Variants in SPATA17 observed in about 807,000 individuals in gnomAD.
SPATA17 encodes spermatogenesis associated 17, also known as spermatogenesis-associated protein 17.
Under a neutral mutation model 62.2 loss-of-function variants are expected in SPATA17, and 53 were observed. That is an observed-to-expected ratio of 0.85 (90% CI 0.68 to 1.07). The LOEUF (loss-of-function observed/expected upper bound fraction) is 1.07, where lower values mean the gene tolerates loss of function less well. SPATA17 is among the 50% of genes least tolerant of loss of function. SPATA17 has a pLI of 0.00. For synonymous variants in SPATA17, 146 were observed against 146.8 expected (o/e 0.99, Z 0.04); for missense variants, 466 against 425.5 (o/e 1.10, Z -0.84).
chr1:217,683,399 T>C (rs772384604), intron 5 of SPATA17, 38 bp downstream of exon 5: 1 of 1,321,510 alleles, frequency 7.6e-7, no homozygotes, highest in Admixed American at 1.8e-5. Context: ...GGGAAAACTT[T>C]GGAAAGATTA....
At chr1:217,679,751 G>A (rs1189870232) in intron 4 of SPATA17, among the ~76,000 whole-genome samples, 1 of 152,170 alleles carries the variant, frequency 6.6e-6, no homozygotes, top group East Asian at 1.9e-4. Flanking sequence ...TCTAGATATG[G>A]TTGGTGCTCT....
chr1:217,636,752 G>C (rs974731511), intron 1 of SPATA17, among the ~76,000 whole-genome samples: 1 of 152,244 alleles, frequency 6.6e-6, no homozygotes, highest in Non-Finnish European at 1.5e-5. Flanking sequence ...GTTGGATAAA[G>C]CATTTTGCTT....
Position 217,801,801 on chromosome 1 carries a change from AC to A in SPATA17, c.957del (p.Tyr319Ter). The A allele has an allele frequency of 3.1e-6, 5 of 1,611,664 alleles. No individual in the cohort carries two copies. The highest frequency in any genetic ancestry group is 4.2e-6 in the Non-Finnish European group (5 of 1,179,116). On this transcript the variant is annotated frameshift_variant, in exon 9 of 11. Transcript: ENST00000366933. LOFTEE classifies it high-confidence loss of function. ...TCAAGCAAGTATGGTCCTATTTCTT[AC>A]AAAGAACAATTCCGAAGTGAAAATC... ...HLSSKYGPIS[Y>X]KEQFRSENPK...
intron 5 of SPATA17, among the ~76,000 whole-genome samples, chr1:217,721,966 A>T (rs116014675): frequency 0.046 from 6,951 of 152,108 alleles, 238 homozygotes; most frequent in Middle Eastern, 0.11. Flanking sequence ...ATGCATTATG[A>T]TCCTTCTCCT....
At chr1:217,706,436 G>C (rs1250822654) in intron 5 of SPATA17, among the ~76,000 whole-genome samples, 1 of 152,176 alleles carries the variant, frequency 6.6e-6, no homozygotes, top group Non-Finnish European at 1.5e-5. Context: ...GAAGGGAAGT[G>C]ATGGGATTCT....
intron 3 of SPATA17, among the ~76,000 whole-genome samples, chr1:217,667,420 T>C (rs1019768985): frequency 6.6e-6 from 1 of 152,180 alleles, no homozygotes; most frequent in African/African-American, 2.4e-5. Flanking sequence ...TGATAATCCC[T>C]TTCATAATGA....
intron 6 of SPATA17, among the ~76,000 whole-genome samples, chr1:217,766,720 CT>C (rs71167423): frequency 0.26 from 34,179 of 131,176 alleles, 4,102 homozygotes; most frequent in African/African-American, 0.36. Context: ...ATATCGTTCT[CT>C]TTTTTTTTTT....
At chr1:217,804,370 G>T (rs901030053) in intron 9 of SPATA17, among the ~76,000 whole-genome samples, 1 of 152,138 alleles carries the variant, frequency 6.6e-6, no homozygotes, top group Non-Finnish European at 1.5e-5. Context: ...AATGAAAGTG[G>T]ATCCTTATCT....
At chr1:217,781,694 G>C (rs1403017408) in intron 7 of SPATA17, among the ~76,000 whole-genome samples, 1 of 152,044 alleles carries the variant, frequency 6.6e-6, no homozygotes, top group Non-Finnish European at 1.5e-5. Context: ...TATTAAGTGT[G>C]ACATTTGAAA....
chr1:217,773,650 A>G (rs1169084635), intron 6 of SPATA17, among the ~76,000 whole-genome samples: 2 of 152,208 alleles, frequency 1.3e-5, no homozygotes, highest in Non-Finnish European at 2.9e-5. Context: ...AGTACATGAC[A>G]AAGTCATTGA....
intron 9 of SPATA17, among the ~76,000 whole-genome samples, chr1:217,813,237 T>C (rs149233518): frequency 9.3e-4 from 141 of 152,220 alleles, no homozygotes; most frequent in African/African-American, 3.2e-3. Flanking sequence ...TGCTTGCCCA[T>C]TGCACCCGGT....
At chr1:217,777,223 GTATCTTTTT>G (rs1673615542) in intron 7 of SPATA17, among the ~76,000 whole-genome samples, 1 of 151,808 alleles carries the variant, frequency 6.6e-6, no homozygotes, top group Non-Finnish European at 1.5e-5. Flanking sequence ...CCCATTATTT[GTATCTTTTT>G]TTTTACTCTC....
chr1:217,782,104 A>G, intron 7 of SPATA17, 70 bp from the exon 8 acceptor site: 1 of 1,431,782 alleles, frequency 7.0e-7, no homozygotes, highest in Non-Finnish European at 9.3e-7. Context: ...GATGTTCACT[A>G]GCCTTGGTCA....
intron 9 of SPATA17, among the ~76,000 whole-genome samples, chr1:217,840,596 G>T (rs115077610): frequency 1.1e-3 from 171 of 152,148 alleles, no homozygotes; most frequent in African/African-American, 3.9e-3. Context: ...CCTGGCTCAT[G>T]CCTGTAATCC....
chr1:217,682,586 A>G (rs1443284611), intron 4 of SPATA17, among the ~76,000 whole-genome samples: 1 of 152,122 alleles, frequency 6.6e-6, no homozygotes, highest in African/African-American at 2.4e-5. Flanking sequence ...ATTCATCCTA[A>G]TAGCTGTATA....
At chr1:217,759,502 C>CA (rs1319417963) in intron 6 of SPATA17, among the ~76,000 whole-genome samples, 3 of 151,798 alleles carry the variant, frequency 2.0e-5, no homozygotes, top group Non-Finnish European at 4.4e-5. Flanking sequence ...TTGAAAGTGG[C>CA]AATGGGGAAC....
chr1:217,799,352 G>A (rs1278812004), intron 8 of SPATA17, among the ~76,000 whole-genome samples: 1 of 152,108 alleles, frequency 6.6e-6, no homozygotes, highest in Non-Finnish European at 1.5e-5. Context: ...AAAGAAAAAT[G>A]TACTATTAAA....
intron 10 of SPATA17, among the ~76,000 whole-genome samples, chr1:217,864,446 A>C (rs779341966): frequency 1.3e-5 from 2 of 152,154 alleles, no homozygotes; most frequent in Non-Finnish European, 2.9e-5. Context: ...GACGGGATTC[A>C]AAGTACGCTG....
intron 1 of SPATA17, among the ~76,000 whole-genome samples, chr1:217,644,441 G>A (rs986201363): frequency 3.3e-5 from 5 of 151,684 alleles, no homozygotes; most frequent in South Asian, 2.1e-4. Context: ...GACAGCACAG[G>A]GCAGCTAATA....
Sources: allele counts gnomAD v4.1 joint callset (sites outside exome capture counted in the v4.1 genomes callset), GRCh38; gene constraint gnomAD v4.1.1; transcripts MANE v1.5; gene names NCBI Gene and HGNC (gene_info 2026-07-23, HGNC 2026-07-21).